The following GPC3 variants were observed in gnomAD, a reference collection of about 807,000 sequenced individuals.
GPC3 encodes glypican-3.
Under a neutral mutation model 34.4 loss-of-function variants are expected in GPC3, and 3 were observed. The observed-to-expected ratio is 0.09, with a 90% confidence interval of 0.04 to 0.23. The LOEUF (loss-of-function observed/expected upper bound fraction) is 0.23, where lower values mean the gene tolerates loss of function less well. Among genes scored for constraint, GPC3 ranks in the 10% least tolerant of loss-of-function variants. The pLI, the probability that GPC3 is intolerant of heterozygous loss-of-function variation, is 1.00. For missense variants in GPC3, 351 were observed against 445.6 expected (o/e 0.79, Z 1.91); for synonymous variants, 177 against 174.0 (o/e 1.02, Z -0.13).
intron 3 of GPC3, among the ~76,000 whole-genome samples, chrX:133,713,633 A>G (rs770504138): frequency 2.0e-4 from 22 of 112,209 alleles, no homozygotes; most frequent in Non-Finnish European, 2.8e-4. Context: ...TTTTACTTGA[A>G]AGAAAAACTG....
intron 6 of GPC3, among the ~76,000 whole-genome samples, chrX:133,654,289 A>G (rs1470215926): frequency 3.6e-5 from 4 of 111,715 alleles, no homozygotes; most frequent in African/African-American, 1.3e-4. Context: ...ATTCATAAAT[A>G]TATCTGGGTT....
intron 2 of GPC3, among the ~76,000 whole-genome samples, chrX:133,809,729 CATT>C (rs1351762345): frequency 8.9e-6 from 1 of 111,988 alleles, no homozygotes; most frequent in Admixed American, 9.5e-5. Flanking sequence ...TTGACCTCAA[CATT>C]AAGGGCCCTG....
chrX:133,645,038 C>A (rs2124384278), intron 6 of GPC3, among the ~76,000 whole-genome samples: 1 of 111,627 alleles, frequency 9.0e-6, no homozygotes, highest in South Asian at 3.8e-4. Context: ...GCCTTGGCCT[C>A]CTAAAATGCT....
chrX:133,933,868 G>T (rs754663288), intron 2 of GPC3, among the ~76,000 whole-genome samples: 152 of 89,918 alleles, frequency 1.7e-3, no homozygotes, highest in Non-Finnish European at 2.0e-3. Flanking sequence ...TTTTTTTTTT[G>T]TTTTTTTTTT....
At chrX:133,948,214 G>A (rs998466802) in intron 2 of GPC3, among the ~76,000 whole-genome samples, 2 of 111,395 alleles carry the variant, frequency 1.8e-5, no homozygotes, top group Non-Finnish European at 3.8e-5. Flanking sequence ...AAGGAAAAAA[G>A]CTTTGCTTGA....
At position 133,753,713 on chromosome X, in the gene GPC3, T is replaced by C; in HGVS notation, c.801A>G (p.Gly267=). 2 of 1,210,773 alleles carry C rather than the reference T, an allele frequency of 1.7e-6. No homozygotes were observed. Among genetic ancestry groups the C allele is most frequent in the South Asian group, 3.5e-5 (2 of 56,932 alleles). ...TRMWYCSYCQ[G]LMMVKPCGGY... ...CGCCACAGGGTTTAACCATCATCAG[T>C]CCCTGGCAGTAAGAGCAGTACCACA... The change falls in exon 3 of 8, where the codon GGA becomes GGG. Residue 267 remains glycine (G), a synonymous_variant. Coordinates refer to ENST00000370818, the MANE Select transcript of GPC3 (RefSeq NM_004484.4).
chrX:133,788,103 T>TATATATATAC (rs2072122699), intron 2 of GPC3, among the ~76,000 whole-genome samples: 1 of 87,350 alleles, frequency 1.1e-5, no homozygotes, highest in African/African-American at 5.0e-5. Context: ...TATATATATA[T>TATATATATAC]ATATATATAT....
intron 1 of GPC3, among the ~76,000 whole-genome samples, chrX:133,966,920 A>G (rs1332147696): frequency 8.9e-6 from 1 of 112,075 alleles, no homozygotes; most frequent in Non-Finnish European, 1.9e-5. Context: ...CATGTAATGC[A>G]AATCAGAATC....
intron 2 of GPC3, among the ~76,000 whole-genome samples, chrX:133,859,491 G>A (rs760457750): frequency 7.2e-5 from 8 of 111,823 alleles, no homozygotes; most frequent in African/African-American, 2.3e-4. Context: ...CTGCTCTTCA[G>A]GGACCCCAGG....
At chrX:133,931,425 A>T in intron 2 of GPC3, among the ~76,000 whole-genome samples, 1 of 110,873 alleles carries the variant, frequency 9.0e-6, no homozygotes. Context: ...CTCAGGATAG[A>T]GCTGAGGGCT....
At chrX:133,717,578 C>G (rs780187045) in intron 3 of GPC3, among the ~76,000 whole-genome samples, 1 of 111,108 alleles carries the variant, frequency 9.0e-6, no homozygotes, top group East Asian at 2.8e-4. Context: ...CATGCACCCC[C>G]TGCTTGCTCA....
intron 2 of GPC3, among the ~76,000 whole-genome samples, chrX:133,843,203 T>C (rs1462093887): frequency 1.8e-5 from 2 of 111,234 alleles, no homozygotes; most frequent in Non-Finnish European, 3.8e-5. Flanking sequence ...TGGAAGTGTG[T>C]CCTCTCCCAA....
chrX:133,757,739 G>T (rs774399223), intron 2 of GPC3, among the ~76,000 whole-genome samples: 1 of 111,162 alleles, frequency 9.0e-6, no homozygotes, highest in South Asian at 3.8e-4. Flanking sequence ...AACTTTTTAT[G>T]TTCCTGGTAT....
intron 5 of GPC3, among the ~76,000 whole-genome samples, chrX:133,677,950 C>T (rs371541685): frequency 9.0e-6 from 1 of 111,215 alleles, no homozygotes; most frequent in Non-Finnish European, 1.9e-5. Flanking sequence ...AGCAAGCTGA[C>T]GTCAGGATTT....
At chrX:133,704,202 TA>T in intron 3 of GPC3, 1 of 1,054,829 alleles carries the variant, frequency 9.5e-7, no homozygotes, top group Non-Finnish European at 1.2e-6. Context: ...AGCTTCACTC[TA>T]CCTGTAAGTC....
chrX:133,882,026 G>T (rs1284919190), intron 2 of GPC3, among the ~76,000 whole-genome samples: 1 of 112,265 alleles, frequency 8.9e-6, no homozygotes, highest in African/African-American at 3.2e-5. Context: ...TTGCTTCAAG[G>T]CAGAGGGATG....
At chrX:133,553,938 T>A (rs1449551138) in intron 7 of GPC3, among the ~76,000 whole-genome samples, 1 of 111,559 alleles carries the variant, frequency 9.0e-6, no homozygotes, top group East Asian at 2.8e-4. Flanking sequence ...AATTCCTCAA[T>A]GGATTCTTTT....
Position 133,802,399 on chromosome X carries a change from C to T in GPC3, c.338-48223G>A, listed in dbSNP as rs1393292453. 2.7e-5 allele frequency among the ~76,000 whole-genome samples: 3 copies of T among 112,099 alleles called. No individual in the cohort carries two copies. The East Asian group carries it at 8.4e-4, about 31-fold the overall frequency. The stretch of plus-strand genomic sequence containing the variant: ...AACATATTAAGAGCCAACTCTGTGA[C>T]TCAGTCCAGCCTGCAAACTGTTTTG... On this transcript the variant is annotated intron_variant, in intron 2 of 7. Coordinates refer to ENST00000370818, the MANE Select transcript of GPC3 (RefSeq NM_004484.4).
In GPC3 at chrX:133,985,449, TC is replaced by T; in HGVS notation, c.-1del. On this transcript the variant is annotated 5_prime_UTR_variant, in exon 1 of 8. Transcript: ENST00000370818. ...CACGCGGTGCGCACGGTCCCGGCCA[TC>T]CTGCTTCGCAGGGAGCTAGGAGAGC... 6 of 1,168,377 alleles carry T rather than the reference TC, an allele frequency of 5.1e-6. No individual in the cohort carries two copies. Among genetic ancestry groups the T allele is most frequent in the Non-Finnish European group, 6.9e-6 (6 of 873,886 alleles).
Sources: allele counts gnomAD v4.1 joint callset (sites outside exome capture counted in the v4.1 genomes callset), GRCh38; gene constraint gnomAD v4.1.1; transcripts MANE v1.5; gene names NCBI Gene and HGNC (gene_info 2026-07-23, HGNC 2026-07-21).